ARHGEF10: variants seen among roughly 807,000 people sequenced by gnomAD.
ARHGEF10 encodes Rho guanine nucleotide exchange factor 10.
Under a neutral mutation model 147.4 loss-of-function variants are expected in ARHGEF10, and 140 were observed. The ratio of observed to expected loss-of-function variants is 0.95; its 90% CI spans 0.83 to 1.09. The LOEUF is 1.09. ARHGEF10 is among the 50% of genes least tolerant of loss of function. ARHGEF10 has a pLI of 0.00. For missense variants in ARHGEF10, 2,222 were observed against 1,752.7 expected (o/e 1.27, Z -4.78); for synonymous variants, 902 against 695.8 (o/e 1.30, Z -4.67).
At chr8:1,918,421 G>C (rs2129200449) in intron 18 of ARHGEF10, among the ~76,000 whole-genome samples, 1 of 151,804 alleles carries the variant, frequency 6.6e-6, no homozygotes, top group Non-Finnish European at 1.5e-5. Flanking sequence ...ACTAGGGAAA[G>C]AGTATTCTCC....
intron 18 of ARHGEF10, among the ~76,000 whole-genome samples, chr8:1,919,268 T>C (rs1236368823): frequency 7.2e-6 from 1 of 139,488 alleles, no homozygotes; most frequent in Non-Finnish European, 1.5e-5. Context: ...CTGTGGGTGA[T>C]GAGCTGTTCT....
chr8:1,943,163 G>T (rs1814247465), intron 26 of ARHGEF10, among the ~76,000 whole-genome samples: 1 of 152,228 alleles, frequency 6.6e-6, no homozygotes, highest in African/African-American at 2.4e-5. Context: ...CCTAGCACAG[G>T]CAGGAGGAGG....
chr8:1,876,847 A>G (rs1212219122), intron 8 of ARHGEF10, 113 bp downstream of exon 8: 3 of 1,247,098 alleles, frequency 2.4e-6, no homozygotes, highest in Non-Finnish European at 3.5e-6. Context: ...TAAGATGCTG[A>G]TAAGTAGTTT....
intron 27 of ARHGEF10, among the ~76,000 whole-genome samples, chr8:1,947,468 G>A (rs146087666): frequency 6.6e-6 from 1 of 152,292 alleles, no homozygotes; most frequent in East Asian, 1.9e-4. Flanking sequence ...GGAAGGCTCT[G>A]GCAAGTGTGA....
rs532482241 is a variant in ARHGEF10 at position 1,830,753 on chromosome 8, A to G, written c.-48+6640A>G. 2.0e-3 allele frequency among the ~76,000 whole-genome samples: 309 copies of G among 152,288 alleles called. 2 individuals carry two copies. Among genetic ancestry groups the G allele is most frequent in the African/African-American group, 6.8e-3 (282 of 41,566 alleles). On this transcript the variant is annotated intron_variant, in intron 1 of 28. Coordinates refer to ENST00000349830, the MANE Select transcript of ARHGEF10 (RefSeq NM_014629.4). ...GAAAAGCTGCGGAAAGAGAAGGCAT[A>G]CACGGGGCTACAAGGTGGAGAAATA...
chr8:1,950,875 C>T (rs771027762), intron 27 of ARHGEF10, among the ~76,000 whole-genome samples: 8 of 152,012 alleles, frequency 5.3e-5, no homozygotes, highest in African/African-American at 9.7e-5. Flanking sequence ...CCACTGCGCC[C>T]GGCCTACCCT....
chr8:1,945,554 T>G lies in ARHGEF10; in HGVS notation c.3296T>G (p.Ile1099Ser). Residue 1099 changes from isoleucine to serine, a missense_variant, in exon 27 of 29, where the codon ATT becomes AGT. Physicochemically the swap from Ile to Ser is moderately radical, Grantham distance 142 (BLOSUM62 -2). Transcript: ENST00000349830. Reference protein sequence around the residue: ...HMAVSGVGIWIAFTSGSTLRL... With the variant: ...HMAVSGVGIWSAFTSGSTLRL... Reference sequence around the variant, plus strand: ...GCCGTGTCCGGCGTCGGGATCTGGATTGCCTTCACCTCAGGGTCCACGCTC... The same window carrying G: ...GCCGTGTCCGGCGTCGGGATCTGGAGTGCCTTCACCTCAGGGTCCACGCTC... 1 of 1,614,200 alleles carries G rather than the reference T, an allele frequency of 6.2e-7. No individual in the cohort carries two copies.
At chr8:1,911,965 C>T (rs780424103) in intron 18 of ARHGEF10, among the ~76,000 whole-genome samples, 2 of 152,210 alleles carry the variant, frequency 1.3e-5, no homozygotes, top group Non-Finnish European at 2.9e-5. Context: ...GTCAGAAATT[C>T]TCATTCTCAG....
At chr8:1,859,808 C>G (rs1805942123) in intron 3 of ARHGEF10, 89 bp from the exon 4 acceptor site, 1 of 1,507,706 alleles carries the variant, frequency 6.6e-7, no homozygotes, top group African/African-American at 1.4e-5. Context: ...GGTGGGAGCT[C>G]ATACCTGCTT....
intron 2 of ARHGEF10, among the ~76,000 whole-genome samples, chr8:1,852,694 A>G (rs1054821121): frequency 6.6e-6 from 1 of 152,204 alleles, no homozygotes; most frequent in Non-Finnish European, 1.5e-5. Context: ...AATGTTTCTT[A>G]AAGTTTTCTA....
intron 25 of ARHGEF10, among the ~76,000 whole-genome samples, chr8:1,932,611 G>A (rs1254335360): frequency 6.6e-6 from 1 of 152,194 alleles, no homozygotes; most frequent in East Asian, 1.9e-4. Flanking sequence ...CAAAGGAAAA[G>A]CAAGCCCATG....
intron 9 of ARHGEF10, among the ~76,000 whole-genome samples, chr8:1,881,173 C>T (rs1808160497): frequency 6.6e-6 from 1 of 152,108 alleles, no homozygotes; most frequent in Non-Finnish European, 1.5e-5. Context: ...GCAGCCAGGG[C>T]TGGGCCCAGC....
At position 1,956,813 on chromosome 8, in the gene ARHGEF10, T is replaced by C; in HGVS notation, c.3585T>C (p.Ala1195=). ...TCAAATTCATCGTCCTGGCCACGGC[T>C]CTGCACGAGAAAGACAAGGACAAAT... is the stretch of plus-strand genomic sequence containing the variant. The part of the protein sequence containing the change: ...SPVKFIVLAT[A]LHEKDKDKSR... The change falls in exon 29 of 29, where the codon GCT becomes GCC. Residue 1195 remains alanine (A), a synonymous_variant. Coordinates refer to ENST00000349830, the MANE Select transcript of ARHGEF10 (RefSeq NM_014629.4). 6.2e-7 allele frequency: 1 copy of C among 1,614,048 alleles called. No individual in the cohort carries two copies. The highest frequency in any genetic ancestry group is 8.5e-7 in the Non-Finnish European group (1 of 1,180,034).
At chr8:1,911,258 G>A (rs1222437600) in intron 18 of ARHGEF10, among the ~76,000 whole-genome samples, 5 of 152,026 alleles carry the variant, frequency 3.3e-5, no homozygotes, top group Non-Finnish European at 5.9e-5. Context: ...ACTTGAAAAC[G>A]TATATGATTG....
Position 1,920,787 on chromosome 8 carries a change from T to C in ARHGEF10, c.2144-2177T>C, listed in dbSNP as rs546950264. Reference sequence around the variant, plus strand: ...TGGATCAGTTTGCTCTTTCGTTTTTTTTTGTTTGTTTGTTTTGATGGAGTT... The same window carrying C: ...TGGATCAGTTTGCTCTTTCGTTTTTCTTTGTTTGTTTGTTTTGATGGAGTT... On this transcript the variant is annotated intron_variant, in intron 18 of 28. Coordinates refer to ENST00000349830, the MANE Select transcript of ARHGEF10 (RefSeq NM_014629.4). 2.6e-5 allele frequency among the ~76,000 whole-genome samples: 4 copies of C among 152,124 alleles called. No homozygotes were observed. In the South Asian group the frequency reaches 8.3e-4, roughly 32 times the overall value.
intron 17 of ARHGEF10, among the ~76,000 whole-genome samples, chr8:1,906,304 G>A (rs1218465734): frequency 1.3e-5 from 2 of 152,192 alleles, no homozygotes; most frequent in Non-Finnish European, 2.9e-5. Context: ...AATAATGCAA[G>A]CGAACGTGGT....
At chr8:1,955,386 GTA>G (rs1815457173) in intron 28 of ARHGEF10, among the ~76,000 whole-genome samples, 22 of 139,466 alleles carry the variant, frequency 1.6e-4, no homozygotes, top group East Asian at 6.6e-4. Context: ...GAAAGGAGGT[GTA>G]CTCTCACTGT....
At chr8:1,922,805 A>G (rs1453037132) in intron 18 of ARHGEF10, among the ~76,000 whole-genome samples, 159 bp from the exon 19 acceptor site, 1 of 152,266 alleles carries the variant, frequency 6.6e-6, no homozygotes, top group Non-Finnish European at 1.5e-5. Flanking sequence ...AGAAAAGGAA[A>G]AACCACTAAA....
At position 1,923,824 on chromosome 8, in the gene ARHGEF10, C is replaced by G. The variant is rs768599250; in HGVS notation, c.2438C>G (p.Ala813Gly). 1 of 1,614,146 alleles carries G rather than the reference C, an allele frequency of 6.2e-7. No homozygotes were observed. The highest frequency in any genetic ancestry group is 8.5e-7 in the Non-Finnish European group (1 of 1,180,026). Residue 813 changes from alanine to glycine, a missense_variant, in exon 21 of 29, where the codon GCC (alanine) becomes GGC (glycine). Ala to Gly is a moderately conservative substitution (Grantham distance 60). Transcript: ENST00000349830. ...GCTGTGTTCAATACGTTCACCCCTGCCATCAAGGAGTCCTGGGTCAACAGC... is the reference window on the plus strand; with the variant it reads ...GCTGTGTTCAATACGTTCACCCCTGGCATCAAGGAGTCCTGGGTCAACAGC... ...FTAVFNTFTP[A>G]IKESWVNSLQ...
Sources: gnomAD v4.1 joint callset for allele counts (sites outside exome capture counted in the v4.1 genomes callset) on GRCh38, gnomAD v4.1.1 for gene constraint, MANE v1.5 for transcripts, NCBI Gene and HGNC (gene_info 2026-07-23, HGNC 2026-07-21) for gene names.